PRKCB: variants seen among roughly 807,000 people sequenced by gnomAD.
PRKCB encodes the protein protein kinase C beta type.
Under a neutral mutation model 81.5 loss-of-function variants are expected in PRKCB, and 13 were observed. That is an observed-to-expected ratio of 0.16 (90% CI 0.10 to 0.25). PRKCB has a LOEUF of 0.25. Among genes scored for constraint, PRKCB ranks in the 10% least tolerant of loss-of-function variants. The pLI is 1.00. For missense variants in PRKCB, 509 were observed against 875.7 expected (o/e 0.58, Z 5.29); for synonymous variants, 335 against 321.4 (o/e 1.04, Z -0.45).
chr16:23,995,395 G>T (rs1275003296), intron 3 of PRKCB, among the ~76,000 whole-genome samples: 1 of 152,228 alleles, frequency 6.6e-6, no homozygotes, highest in African/African-American at 2.4e-5. Context: ...GGCAGAGAGG[G>T]ATACTGTGTG....
At chr16:23,901,382 A>T (rs2141721988) in intron 2 of PRKCB, among the ~76,000 whole-genome samples, 1 of 152,096 alleles carries the variant, frequency 6.6e-6, no homozygotes, top group Non-Finnish European at 1.5e-5. Flanking sequence ...CTGCTGCTTG[A>T]TTGGGAGTAT....
chr16:23,937,388 G>T (rs1242097871), intron 2 of PRKCB, among the ~76,000 whole-genome samples: 1 of 152,222 alleles, frequency 6.6e-6, no homozygotes, highest in African/African-American at 2.4e-5. Context: ...GTCTGCGACT[G>T]CCATGAACAT....
At chr16:24,211,700 A>G (rs1968140749) in intron 16 of PRKCB, among the ~76,000 whole-genome samples, 1 of 151,906 alleles carries the variant, frequency 6.6e-6, no homozygotes, top group Non-Finnish European at 1.5e-5. Flanking sequence ...CTGGGATTAC[A>G]GGCACCTGAC....
intron 3 of PRKCB, among the ~76,000 whole-genome samples, chr16:24,028,366 G>T (rs1034529613): frequency 1.3e-5 from 2 of 152,228 alleles, no homozygotes; most frequent in African/African-American, 2.4e-5. Flanking sequence ...TGGGATTACA[G>T]GCATGAGCCA....
Position 24,164,477 on chromosome 16 carries a change from A to G in PRKCB, c.1240-7793A>G, listed in dbSNP as rs79507767. Among the ~76,000 whole-genome samples the G allele has an allele frequency of 1.3e-3, 205 of 152,352 alleles. 3 individuals are homozygous for G. The East Asian group carries it at 0.03, about 23-fold the overall frequency. ...AGCGGTAATAGTGTAATGAAGAATC[A>G]CAATAACAATGACAATTTTGAAGAA... On this transcript the variant is annotated intron_variant, in intron 10 of 16. Coordinates refer to ENST00000643927, the MANE Select transcript of PRKCB (RefSeq NM_002738.7).
rs117651940 is a variant in PRKCB at position 23,959,533 on chromosome 16, C to T, written c.206-28975C>T. 2.5e-4 allele frequency among the ~76,000 whole-genome samples: 38 copies of T among 152,320 alleles called. No homozygotes were observed. The East Asian group carries it at 6.4e-3, about 26-fold the overall frequency. ...CACAAAGGCAGGGGTGGAGAGGCAGCGCCTCGCAGGAAAGCCTTCTTGCTA... is the reference window on the plus strand; with the variant it reads ...CACAAAGGCAGGGGTGGAGAGGCAGTGCCTCGCAGGAAAGCCTTCTTGCTA... On this transcript the variant is annotated intron_variant, in intron 2 of 16. Transcript: ENST00000643927.
chr16:24,131,817 A>G (rs1966853731), intron 9 of PRKCB, among the ~76,000 whole-genome samples: 1 of 152,210 alleles, frequency 6.6e-6, no homozygotes, highest in Non-Finnish European at 1.5e-5. Context: ...TACCTGAACC[A>G]CATTTGGTGA....
intron 2 of PRKCB, among the ~76,000 whole-genome samples, chr16:23,941,010 G>C (rs973876194): frequency 6.6e-6 from 1 of 152,182 alleles, no homozygotes; most frequent in Non-Finnish European, 1.5e-5. Context: ...TATTAAGTTT[G>C]AAAGTCCAAG....
chr16:24,127,503 T>C (rs774846905), intron 9 of PRKCB, among the ~76,000 whole-genome samples: 3 of 151,040 alleles, frequency 2.0e-5, no homozygotes, highest in African/African-American at 4.9e-5. Context: ...TAACATTTTT[T>C]ATTCTTGTCC....
At chr16:24,028,090 T>TC in intron 3 of PRKCB, among the ~76,000 whole-genome samples, 1 of 152,098 alleles carries the variant, frequency 6.6e-6, no homozygotes, top group South Asian at 2.1e-4. Flanking sequence ...TCACTTTTTT[T>TC]CTTTTTTCTT....
intron 12 of PRKCB, chr16:24,175,053 T>G (rs959630005): frequency 6.5e-6 from 1 of 153,008 alleles, no homozygotes; most frequent in African/African-American, 2.4e-5. Context: ...AGTTCAGGAC[T>G]TGGCATTTGC....
intron 7 of PRKCB, among the ~76,000 whole-genome samples, chr16:24,097,790 T>C (rs1567373360): frequency 6.6e-6 from 1 of 152,090 alleles, no homozygotes. Flanking sequence ...TGCTTCCGGG[T>C]CATAGGTAGA....
chr16:24,132,955 A>T (rs1966855694), intron 9 of PRKCB, among the ~76,000 whole-genome samples: 1 of 151,988 alleles, frequency 6.6e-6, no homozygotes, highest in Non-Finnish European at 1.5e-5. Context: ...TGATTTTGGG[A>T]TCTTGATTGC....
intron 3 of PRKCB, among the ~76,000 whole-genome samples, chr16:24,009,424 C>CT (rs1250396194): frequency 4.1e-5 from 6 of 146,644 alleles, no homozygotes; most frequent in African/African-American, 1.6e-4. Flanking sequence ...GTTAGGATGA[C>CT]TATTTTTTTT....
intron 3 of PRKCB, among the ~76,000 whole-genome samples, chr16:24,017,253 C>T (rs1446297317): frequency 6.6e-6 from 1 of 152,132 alleles, no homozygotes; most frequent in African/African-American, 2.4e-5. Context: ...ATAAAAGAGG[C>T]ATTTCAAATC....
At chr16:24,132,254 A>C (rs1966854394) in intron 9 of PRKCB, among the ~76,000 whole-genome samples, 1 of 152,148 alleles carries the variant, frequency 6.6e-6, no homozygotes, top group Non-Finnish European at 1.5e-5. Context: ...TCTGAGCATG[A>C]GGCATCCTGG....
chr16:23,928,592 A>G, intron 2 of PRKCB, among the ~76,000 whole-genome samples: 1 of 152,036 alleles, frequency 6.6e-6, no homozygotes, highest in South Asian at 2.1e-4. Context: ...CTGAGCTAGG[A>G]GCTGGGGTAA....
intron 6 of PRKCB, among the ~76,000 whole-genome samples, chr16:24,093,632 C>T (rs75559672): frequency 1.3e-4 from 20 of 152,238 alleles, no homozygotes; most frequent in East Asian, 3.9e-4. Flanking sequence ...CTGACTTTAG[C>T]GGTCATACTT....
chr16:23,876,604 G>A (rs141061101), intron 2 of PRKCB, among the ~76,000 whole-genome samples: 6 of 151,786 alleles, frequency 4.0e-5, no homozygotes, highest in Admixed American at 2.0e-4. Flanking sequence ...TGACATTTGC[G>A]TACCTCTCTG....
Sources: gnomAD v4.1 joint callset for allele counts (sites outside exome capture counted in the v4.1 genomes callset) on GRCh38, gnomAD v4.1.1 for gene constraint, MANE v1.5 for transcripts, NCBI Gene and HGNC (gene_info 2026-07-23, HGNC 2026-07-21) for gene names.